Variants in RUSF1 observed in about 807,000 individuals in gnomAD.
RUSF1 encodes the protein RUS family member 1, also known as RUS1 family protein C16orf58.
In RUSF1, 58 loss-of-function variants were observed where a neutral mutation model predicts 63.0. The ratio of observed to expected loss-of-function variants is 0.92; its 90% confidence interval spans 0.75 to 1.15. The LOEUF is 1.15. Among genes scored for constraint, RUSF1 ranks in the 50% most tolerant of loss-of-function variants. The probability of loss-of-function intolerance (pLI) is 0.00; values close to 1 mark genes in which losing one functional copy is unlikely to be tolerated. For missense variants in RUSF1, 652 were observed against 611.0 expected (o/e 1.07, Z -0.71); for synonymous variants, 274 against 255.8 (o/e 1.07, Z -0.68).
intron 2 of RUSF1, among the ~76,000 whole-genome samples, chr16:31,506,645 G>C (rs1445104704): frequency 6.6e-6 from 1 of 152,174 alleles, no homozygotes; most frequent in Non-Finnish European, 1.5e-5. Flanking sequence ...TAGCGGGGCA[G>C]GGTGGCACAT....
rs1326033148 is a variant in RUSF1, at chr16:31,492,452, G to A, written c.1088-112C>T. 7 of 1,238,328 alleles carry A rather than the reference G, an allele frequency of 5.7e-6. No individual in the cohort carries two copies. The African/African-American group carries it at 9.1e-5, about 16-fold the overall frequency. The allele number at this position is 1,238,328 out of a possible 1,614,324, so 76.7% of individuals were successfully genotyped here. On this transcript the variant is annotated intron_variant, in intron 10 of 12. Coordinates refer to ENST00000327237, the MANE Select transcript of RUSF1 (RefSeq NM_022744.4). The stretch of plus-strand genomic sequence containing the variant: ...CCCAAGACCTTGGCCTGGCACGGAA[G>A]GCTAGCACCTCACCCTTTCCTTTCC...
At chr16:31,490,977 G>A (rs1295860243) in intron 12 of RUSF1, 45 bp from the exon 13 acceptor site, 1 of 1,583,480 alleles carries the variant, frequency 6.3e-7, no homozygotes, top group Non-Finnish European at 8.7e-7. Flanking sequence ...TGGGGACAAG[G>A]GTAAGGAGAG....
intron 6 of RUSF1, among the ~76,000 whole-genome samples, chr16:31,496,076 G>T (rs2082600538): frequency 6.6e-6 from 1 of 152,146 alleles, no homozygotes; most frequent in Non-Finnish European, 1.5e-5. Flanking sequence ...ACCTCAAAGG[G>T]TTGGTGTGAG....
rs2082618974 is a variant in RUSF1 at position 31,499,115 on chromosome 16, TA to T, written c.600+186del. On this transcript the variant is annotated intron_variant, in intron 5 of 12. Coordinates refer to ENST00000327237, the MANE Select transcript of RUSF1 (RefSeq NM_022744.4). ...AGTCCTGTGGCTCTAGACATTGCCTTACACTTTCTGGGGCACTAGATGCTGT... is the reference window on the plus strand; with the variant it reads ...AGTCCTGTGGCTCTAGACATTGCCTTCACTTTCTGGGGCACTAGATGCTGT... 7.3e-5 allele frequency: 46 copies of T among 631,926 alleles called. No homozygotes were observed. In the South Asian group the frequency reaches 8.6e-4, roughly 12 times the overall value. The allele number at this position is 631,926 out of a possible 1,614,324, so 39.1% of individuals were successfully genotyped here. A position where few individuals can be genotyped will look rare whatever the true frequency, so the allele number is the denominator to read the frequency against.
Position 31,504,416 on chromosome 16 carries a change from G to C in RUSF1, c.415+3348C>G, listed in dbSNP as rs183459784. ...CCTGAGTAGCTGGGATTCCAGGCAC[G>C]TGCCACCATGCCTGGCTAATCTTTG... On this transcript the variant is annotated intron_variant, in intron 2 of 12. Transcript: ENST00000327237. Among the ~76,000 whole-genome samples the C allele has an allele frequency of 5.3e-3, 800 of 151,756 alleles. 11 individuals carry two copies. Among genetic ancestry groups the C allele is most frequent in the Non-Finnish European group, 5.0e-3 (341 of 67,884 alleles).
chr16:31,505,891 C>T (rs571383375), intron 2 of RUSF1, among the ~76,000 whole-genome samples: 15 of 152,274 alleles, frequency 9.9e-5, no homozygotes, highest in African/African-American at 2.6e-4. Context: ...AACCTTTTCA[C>T]CAAAACAGCT....
chr16:31,506,495 C>G (rs1048934528), intron 2 of RUSF1, among the ~76,000 whole-genome samples: 1 of 152,144 alleles, frequency 6.6e-6, no homozygotes, highest in African/African-American at 2.4e-5. Context: ...AAAATACGGC[C>G]AACAAGCCGG....
chr16:31,492,444 G>T, intron 10 of RUSF1, 104 bp from the exon 11 acceptor site: 1 of 1,320,324 alleles, frequency 7.6e-7, no homozygotes, highest in Non-Finnish European at 1.0e-6. Flanking sequence ...CCTTGGCCTG[G>T]CACGGAAGGC....
chr16:31,492,163 G>C, intron 11 of RUSF1, 34 bp downstream of exon 11: 1 of 1,611,144 alleles, frequency 6.2e-7, no homozygotes, highest in Non-Finnish European at 8.5e-7. Flanking sequence ...TCCCCACCCT[G>C]AGGCATCAGC....
At chr16:31,498,364 T>C (rs1567397212) in intron 5 of RUSF1, among the ~76,000 whole-genome samples, 2 of 152,136 alleles carry the variant, frequency 1.3e-5, no homozygotes, top group African/African-American at 2.4e-5. Flanking sequence ...TCCTACCCTG[T>C]TTAGGGGTGC....
intron 12 of RUSF1, 138 bp downstream of exon 12, chr16:31,491,871 T>C: frequency 2.3e-6 from 2 of 872,108 alleles, no homozygotes; most frequent in Non-Finnish European, 3.5e-6. Flanking sequence ...GGCACTAGAA[T>C]CATAGGTGTG....
rs761633316 is a variant in RUSF1 at position 31,493,493 on chromosome 16, C to T, written c.990G>A (p.Gly330=). ...TGGAGACCAAGCGGTGTAAGGGGACCCCCAGGGATAGAGACGGAGCTGGCC... is the reference window on the plus strand; with the variant it reads ...TGGAGACCAAGCGGTGTAAGGGGACTCCCAGGGATAGAGACGGAGCTGGCC... ...GFWPAPSLSL[G]VPLHRLVSSV... The change falls in exon 9 of 13, where the codon GGG becomes GGA. Residue 330 remains glycine, a synonymous_variant. Coordinates refer to ENST00000327237, the MANE Select transcript of RUSF1 (RefSeq NM_022744.4). The T allele has an allele frequency of 4.3e-6, 7 of 1,611,440 alleles. No homozygotes were observed. Among genetic ancestry groups the T allele is most frequent in the African/African-American group, 4.0e-5 (3 of 74,954 alleles).
chr16:31,499,833 G>A (rs932614160), intron 3 of RUSF1, among the ~76,000 whole-genome samples: 2 of 152,090 alleles, frequency 1.3e-5, no homozygotes, highest in Admixed American at 6.6e-5. Context: ...CTCTTCCTGA[G>A]TTCCTCTGCC....
At chr16:31,506,565 C>T (rs1224062428) in intron 2 of RUSF1, among the ~76,000 whole-genome samples, 2 of 152,140 alleles carry the variant, frequency 1.3e-5, no homozygotes, top group African/African-American at 2.4e-5. Context: ...ATGGATCACC[C>T]GAAGTCAGGA....
In RUSF1 at chr16:31,490,505, G is replaced by A. The variant is rs1264140553; in HGVS notation, c.*330C>T. 5 of 1,613,508 alleles carry A rather than the reference G, an allele frequency of 3.1e-6. No homozygotes were observed. Among genetic ancestry groups the A allele is most frequent in the Non-Finnish European group, 4.2e-6 (5 of 1,179,824 alleles). On this transcript the variant is annotated 3_prime_UTR_variant, in exon 13 of 13. Transcript: ENST00000327237. Reference sequence around the variant, plus strand: ...TCAATGCCCTGCTCATGATGGCAGTGGCCGTGTTCCTCTGGGGCTTCTATG... The same window carrying A: ...TCAATGCCCTGCTCATGATGGCAGTAGCCGTGTTCCTCTGGGGCTTCTATG...
intron 5 of RUSF1, among the ~76,000 whole-genome samples, chr16:31,498,602 C>T (rs1345607927): frequency 6.6e-6 from 1 of 152,196 alleles, no homozygotes; most frequent in Non-Finnish European, 1.5e-5. Context: ...TCAGTGTCCT[C>T]ATTTGGGTGA....
In RUSF1 at chr16:31,492,184, T is replaced by G. The variant is rs1438790443; in HGVS notation, c.1231+13A>C. ...CCCTGAGGCATCAGCAGTCTAAATC[T>G]TGAGGCACTTACCTGCCCGCACCCG... On this transcript the variant is annotated intron_variant, in intron 11 of 12. Transcript: ENST00000327237. 2.5e-6 allele frequency: 4 copies of G among 1,610,140 alleles called. No individual in the cohort carries two copies. The highest frequency in any genetic ancestry group is 3.4e-6 in the Non-Finnish European group (4 of 1,177,418).
chr16:31,493,259 C>T, intron 9 of RUSF1: 2 of 872,248 alleles, frequency 2.3e-6, no homozygotes, highest in Non-Finnish European at 1.9e-6. Context: ...ACCCATCCTT[C>T]CTTCACCCAT....
Position 31,500,685 on chromosome 16 carries a change from C to T in RUSF1, c.461+1G>A. ...GTTGCTGGCCGGGAAGACAAACTCA[C>T]CCTTTCCACCAGGCAAAGACGATGC... On this transcript the variant is annotated splice_donor_variant, in intron 3 of 12. Transcript: ENST00000327237. LOFTEE classifies it high-confidence loss of function. 6.2e-7 allele frequency: 1 copy of T among 1,612,772 alleles called. No individual in the cohort carries two copies. The highest frequency in any genetic ancestry group is 8.5e-7 in the Non-Finnish European group (1 of 1,179,104).
Sources: gnomAD v4.1 joint callset for allele counts (sites outside exome capture counted in the v4.1 genomes callset) on GRCh38, gnomAD v4.1.1 for gene constraint, MANE v1.5 for transcripts, NCBI Gene and HGNC (gene_info 2026-07-23, HGNC 2026-07-21) for gene names.